The following PTPDC1 variants were observed in gnomAD, a reference collection of about 807,000 sequenced individuals.
PTPDC1 encodes the protein protein tyrosine phosphatase domain-containing protein 1.
A neutral mutation model predicts 75.3 loss-of-function variants in PTPDC1; 53 were observed. That is an observed-to-expected ratio of 0.70 (90% CI 0.56 to 0.88). The LOEUF (loss-of-function observed/expected upper bound fraction) is 0.88, where lower values mean the gene tolerates loss of function less well. Among genes scored for constraint, PTPDC1 ranks in the 40% least tolerant of loss-of-function variants. The pLI is 0.00. For missense variants in PTPDC1, 925 were observed against 998.6 expected, an observed-to-expected ratio of 0.93 and a Z score of 0.99; for synonymous variants, 349 against 366.2, an observed-to-expected ratio of 0.95 and a Z score of 0.54.
At chr9:94,104,741 GGTGTAAGT>G (rs1451616232) in intron 8 of PTPDC1, among the ~76,000 whole-genome samples, 1 of 152,070 alleles carries the variant, frequency 6.6e-6, no homozygotes, top group Non-Finnish European at 1.5e-5. Flanking sequence ...TTCTACCTTG[GGTGTAAGT>G]AAGAAGCCAT....
intron 1 of PTPDC1, among the ~76,000 whole-genome samples, chr9:94,062,312 A>G (rs1826167516): frequency 6.6e-6 from 1 of 152,080 alleles, no homozygotes; most frequent in Non-Finnish European, 1.5e-5. Context: ...CCATATCACT[A>G]TCAGCATTTT....
At chr9:94,081,853 G>C (rs1826894136), upstream of PTPDC1, among the ~76,000 whole-genome samples, 1 of 152,192 alleles carries the variant, frequency 6.6e-6, no homozygotes, top group Non-Finnish European at 1.5e-5. Context: ...AACAGAAATA[G>C]GGAAAGTCTT....
At chr9:94,030,833 A>T (rs538223225) in exon 1 of PTPDC1, 2 of 152,290 alleles carry the variant, frequency 1.3e-5, no homozygotes, top group African/African-American at 4.8e-5. Flanking sequence ...ACGCGGCCTC[A>T]GCAGGGGCGC....
intron 2 of PTPDC1, among the ~76,000 whole-genome samples, chr9:94,070,702 A>G (rs139037436): frequency 3.9e-5 from 6 of 152,318 alleles, no homozygotes; most frequent in Non-Finnish European, 5.9e-5. Context: ...GGCAACCACT[A>G]TCTGTTCCCC....
In PTPDC1 at chr9:94,088,172, C is replaced by G; in HGVS notation, c.525C>G (p.Leu175=). The G allele has an allele frequency of 6.2e-7, 1 of 1,613,894 alleles. No individual in the cohort carries two copies. The highest frequency in any genetic ancestry group is 8.5e-7 in the Non-Finnish European group (1 of 1,179,924). ...LSHGIKTIIN[L]QRPGEHASCG... ...ATGGCATAAAAACAATAATCAACCT[C>G]CAGCGCCCTGGTGAGCATGCTAGCT... The change falls in exon 4 of 9, where the codon CTC becomes CTG. Residue 175 remains leucine (L), a synonymous_variant. Transcript: ENST00000620992.
chr9:94,083,311 A>G (rs1019296474), upstream of PTPDC1, among the ~76,000 whole-genome samples: 1 of 152,194 alleles, frequency 6.6e-6, no homozygotes, highest in Non-Finnish European at 1.5e-5. Context: ...CATTCTAAAT[A>G]ACAAAGGCAT....
chr9:94,038,015 A>G, intron 1 of PTPDC1: 1 of 384,198 alleles, frequency 2.6e-6, no homozygotes, highest in Non-Finnish European at 5.0e-6. Context: ...CGCCAGCGAC[A>G]AAAAAGAATT....
At chr9:94,054,176 A>G (rs1207715605) in intron 1 of PTPDC1, among the ~76,000 whole-genome samples, 4 of 152,198 alleles carry the variant, frequency 2.6e-5, no homozygotes. Context: ...TATATAATGT[A>G]TTAGATGTGT....
At position 94,101,767 on chromosome 9, in the gene PTPDC1, G is replaced by C. The variant is rs375354127; in HGVS notation, c.2199+16G>C. ...ATTAGAGAAGGTAAAGTGGCTGTAGGACCAGTTAATGACTGTAACTGAGGC... is the reference window on the plus strand; with the variant it reads ...ATTAGAGAAGGTAAAGTGGCTGTAGCACCAGTTAATGACTGTAACTGAGGC... On this transcript the variant is annotated intron_variant, in intron 7 of 8. Transcript: ENST00000620992. 1.3e-6 allele frequency: 2 copies of C among 1,575,906 alleles called. No homozygotes were observed. The highest frequency in any genetic ancestry group is 3.4e-5 in the Admixed American group (2 of 58,222).
At chr9:94,059,727 C>T (rs1046113938) in intron 1 of PTPDC1, among the ~76,000 whole-genome samples, 6 of 152,266 alleles carry the variant, frequency 3.9e-5, no homozygotes, top group Non-Finnish European at 5.9e-5. Context: ...TGGGATAAAA[C>T]TTGGCTTGGG....
At chr9:94,084,880 A>G (rs1183180699) in intron 1 of PTPDC1, 106 bp downstream of exon 1, 2 of 801,156 alleles carry the variant, frequency 2.5e-6, no homozygotes, top group Non-Finnish European at 4.0e-6. Context: ...TTTATTCTAT[A>G]TTATACTTTT....
At chr9:94,030,906 C>G (rs994508600) in exon 1 of PTPDC1, 3 of 152,182 alleles carry the variant, frequency 2.0e-5, no homozygotes, top group Non-Finnish European at 2.9e-5. Flanking sequence ...TGGGCTGGGA[C>G]CCCTCTGCCT....
chr9:94,086,118 C>A (rs928215247), intron 2 of PTPDC1, among the ~76,000 whole-genome samples: 2 of 152,110 alleles, frequency 1.3e-5, no homozygotes, highest in African/African-American at 4.8e-5. Flanking sequence ...ATCAAGAACC[C>A]ATTTTTCAAT....
intron 8 of PTPDC1, among the ~76,000 whole-genome samples, chr9:94,104,724 G>A (rs1159657355): frequency 3.3e-5 from 5 of 152,134 alleles, no homozygotes; most frequent in East Asian, 1.9e-4. Context: ...TTTGCTTGTC[G>A]AGTCAGTTCT....
intron 1 of PTPDC1, among the ~76,000 whole-genome samples, chr9:94,061,764 G>C (rs111973167): frequency 6.6e-6 from 1 of 152,218 alleles, no homozygotes; most frequent in Admixed American, 6.5e-5. Context: ...GGCTGCACAG[G>C]GCAGCAGGGC....
chr9:94,043,251 T>A (rs1825484670), intron 1 of PTPDC1, among the ~76,000 whole-genome samples: 1 of 152,202 alleles, frequency 6.6e-6, no homozygotes, highest in South Asian at 2.1e-4. Context: ...TGCTAGTTTT[T>A]TTAAAAAATC....
At chr9:94,039,212 A>G (rs1424556297) in intron 1 of PTPDC1, among the ~76,000 whole-genome samples, 1 of 152,202 alleles carries the variant, frequency 6.6e-6, no homozygotes, top group Non-Finnish European at 1.5e-5. Flanking sequence ...AAAACCACAG[A>G]TCATGAAAAA....
At chr9:94,033,626 G>A (rs1433015752) in intron 1 of PTPDC1, among the ~76,000 whole-genome samples, 1 of 152,176 alleles carries the variant, frequency 6.6e-6, no homozygotes, top group Non-Finnish European at 1.5e-5. Context: ...ATATGAGACA[G>A]CATGTGTAAA....
Position 94,108,141 on chromosome 9 carries a change from G to GA in PTPDC1, c.*202dup, listed in dbSNP as rs1828086420. On this transcript the variant is annotated 3_prime_UTR_variant, in exon 9 of 9. Transcript: ENST00000620992. ...TATATTTAAGCTACATTTTTGTTTTGAAAAATTGCCATAAATTTGGTGCCA... is the reference window on the plus strand; with the variant it reads ...TATATTTAAGCTACATTTTTGTTTTGAAAAAATTGCCATAAATTTGGTGCCA... 5.8e-6 allele frequency: 2 copies of GA among 347,478 alleles called. No homozygotes were observed. Among genetic ancestry groups the GA allele is most frequent in the Non-Finnish European group, 1.0e-5 (2 of 193,776 alleles). 21.5% of individuals were successfully genotyped at this position (347,478 alleles called of 1,614,324 possible).
Sources: allele counts gnomAD v4.1 joint callset (sites outside exome capture counted in the v4.1 genomes callset), GRCh38; gene constraint gnomAD v4.1.1; transcripts MANE v1.5; gene names NCBI Gene and HGNC (gene_info 2026-07-23, HGNC 2026-07-21).